The following DOCK1 variants were observed in gnomAD, a reference collection of about 807,000 sequenced individuals.
The protein encoded by DOCK1 is dedicator of cytokinesis 1.
A neutral mutation model predicts 262.7 loss-of-function variants in DOCK1; 138 were observed. The observed-to-expected ratio is 0.53, with a 90% CI of 0.46 to 0.61. The LOEUF is 0.61. DOCK1 is among the 20% of genes least tolerant of loss of function. DOCK1 has a pLI of 0.00. For synonymous variants in DOCK1, 866 were observed against 867.4 expected (o/e 1.00, Z 0.03); for missense variants, 1,908 against 2,370.7 (o/e 0.80, Z 4.05).
chr10:127,238,336 T>C (rs1310877752), intron 27 of DOCK1, among the ~76,000 whole-genome samples: 2 of 152,160 alleles, frequency 1.3e-5, no homozygotes, highest in Non-Finnish European at 2.9e-5. Flanking sequence ...CATACTATAA[T>C]TAGGAAGAAT....
intron 37 of DOCK1, among the ~76,000 whole-genome samples, chr10:127,384,124 G>A (rs1174938590): frequency 1.3e-5 from 2 of 152,152 alleles, no homozygotes; most frequent in African/African-American, 2.4e-5. Context: ...GAATTTTATT[G>A]AACCTTATAC....
At chr10:127,313,717 C>G (rs1224402880) in intron 29 of DOCK1, among the ~76,000 whole-genome samples, 1 of 152,134 alleles carries the variant, frequency 6.6e-6, no homozygotes, top group African/African-American at 2.4e-5. Flanking sequence ...TTTCCCCCCG[C>G]CTCCCTGGTT....
chr10:127,218,000 T>G (rs565171581), intron 27 of DOCK1, among the ~76,000 whole-genome samples: 3 of 152,266 alleles, frequency 2.0e-5, no homozygotes, highest in Admixed American at 2.0e-4. Flanking sequence ...GAGGATCAGA[T>G]GGTTGTAGGA....
chr10:127,378,894 T>C (rs2065673772), intron 35 of DOCK1, among the ~76,000 whole-genome samples: 1 of 152,228 alleles, frequency 6.6e-6, no homozygotes, highest in Non-Finnish European at 1.5e-5. Context: ...AACTTGAAAA[T>C]CTTGGTGCAT....
chr10:127,210,750 G>A (rs982661366), intron 27 of DOCK1, among the ~76,000 whole-genome samples: 4 of 152,080 alleles, frequency 2.6e-5, no homozygotes, highest in African/African-American at 7.2e-5. Context: ...TTCCTTTTCT[G>A]AGGGTTCCTC....
intron 28 of DOCK1, among the ~76,000 whole-genome samples, chr10:127,255,269 G>A (rs2059791659): frequency 6.6e-6 from 1 of 152,148 alleles, no homozygotes; most frequent in African/African-American, 2.4e-5. Context: ...GCATGGTGAT[G>A]CACACCTGTG....
intron 23 of DOCK1, among the ~76,000 whole-genome samples, chr10:127,066,370 G>A (rs909519279): frequency 2.0e-5 from 3 of 152,160 alleles, no homozygotes; most frequent in South Asian, 2.1e-4. Flanking sequence ...TCTTGGAACC[G>A]TTTCCTGCAT....
At chr10:127,028,992 C>T (rs17771211) in intron 16 of DOCK1, among the ~76,000 whole-genome samples, 6,944 of 152,276 alleles carry the variant, frequency 0.046, 214 homozygotes, top group Middle Eastern at 0.068. Flanking sequence ...ATTACGCTCC[C>T]GTCTTTTAAC....
In DOCK1 at chr10:126,969,743, A is replaced by C. The variant is rs538901580; in HGVS notation, c.47-959A>C. Among the ~76,000 whole-genome samples the C allele has an allele frequency of 1.7e-3, 262 of 152,250 alleles. 1 individual carries two copies. Among genetic ancestry groups the C allele is most frequent in the African/African-American group, 6.0e-3 (249 of 41,576 alleles). ...TTTCCTTCAGTAGAAGCAAGGGCCCAGGGAAGGGAGTGTGTGGTGGGAAGG... is the reference window on the plus strand; with the variant it reads ...TTTCCTTCAGTAGAAGCAAGGGCCCCGGGAAGGGAGTGTGTGGTGGGAAGG... On this transcript the variant is annotated intron_variant, in intron 1 of 51. Transcript: ENST00000623213.
intron 31 of DOCK1, among the ~76,000 whole-genome samples, chr10:127,346,225 CA>C (rs1293338018): frequency 2.0e-5 from 3 of 152,228 alleles, no homozygotes; most frequent in African/African-American, 7.2e-5. Context: ...GAGCACCCCG[CA>C]AGCCCCAGCA....
At chr10:126,996,962 C>A in intron 7 of DOCK1, 79 bp downstream of exon 7, 1 of 1,423,232 alleles carries the variant, frequency 7.0e-7, no homozygotes, top group Admixed American at 2.6e-5. Flanking sequence ...CAGTCAAGCC[C>A]AAAATTGTCA....
At chr10:127,015,193 A>AT (rs67319624) in intron 12 of DOCK1, 99,514 of 144,206 alleles carry the variant, frequency 0.69, 34,300 homozygotes, top group South Asian at 0.85. Flanking sequence ...GAAAAAAAAT[A>AT]TTTAAAAAAA....
chr10:127,402,596 G>A (rs970221129), intron 38 of DOCK1: 7 of 500,420 alleles, frequency 1.4e-5, no homozygotes, highest in African/African-American at 9.9e-5. Context: ...GATCATTGGT[G>A]ATATTCGACA....
At chr10:127,444,653 A>C (rs1283959646) in intron 50 of DOCK1, among the ~76,000 whole-genome samples, 2 of 152,232 alleles carry the variant, frequency 1.3e-5, no homozygotes, top group East Asian at 1.9e-4. Flanking sequence ...ACCTTCAGGC[A>C]GTTGGCAACA....
intron 27 of DOCK1, among the ~76,000 whole-genome samples, chr10:127,222,268 G>T (rs1022614142): frequency 6.6e-6 from 1 of 152,080 alleles, no homozygotes; most frequent in Non-Finnish European, 1.5e-5. Flanking sequence ...CTTACCGATG[G>T]CCTGTTAAAA....
At chr10:127,194,012 C>T (rs952876899) in intron 27 of DOCK1, among the ~76,000 whole-genome samples, 2 of 152,154 alleles carry the variant, frequency 1.3e-5, no homozygotes, top group African/African-American at 4.8e-5. Context: ...GTCTTAATCA[C>T]AATGATAAAA....
At chr10:126,966,806 C>CA (rs2037709817) in intron 1 of DOCK1, among the ~76,000 whole-genome samples, 1 of 152,108 alleles carries the variant, frequency 6.6e-6, no homozygotes, top group Non-Finnish European at 1.5e-5. Context: ...AAGAAAAAAA[C>CA]AAAAAACCAA....
At chr10:127,333,605 G>A (rs1010513097) in intron 29 of DOCK1, among the ~76,000 whole-genome samples, 3 of 152,300 alleles carry the variant, frequency 2.0e-5, no homozygotes, top group African/African-American at 4.8e-5. Context: ...TGGAGCCCAC[G>A]CACTGCATCC....
intron 29 of DOCK1, among the ~76,000 whole-genome samples, chr10:127,280,093 G>A (rs1407150313): frequency 4.1e-5 from 6 of 144,946 alleles, no homozygotes; most frequent in African/African-American, 5.1e-5. Flanking sequence ...GGAGTGCAGC[G>A]GCGCGATCTC....
Sources: allele counts gnomAD v4.1 joint callset (sites outside exome capture counted in the v4.1 genomes callset), GRCh38; gene constraint gnomAD v4.1.1; transcripts MANE v1.5; gene names NCBI Gene and HGNC (gene_info 2026-07-23, HGNC 2026-07-21).